Variants in CYP19A1 observed in about 807,000 individuals in gnomAD.
The protein encoded by CYP19A1 is aromatase.
CYP19A1 carries 32 observed loss-of-function variants against 44.4 expected under a neutral mutation model. That is an observed-to-expected ratio of 0.72 (90% CI 0.54 to 0.97). CYP19A1 has a LOEUF of 0.97. Ranked by LOEUF, CYP19A1 falls within the 50% of genes least tolerant of loss-of-function variation. The probability of loss-of-function intolerance (pLI) is 0.00; values close to 1 mark genes in which losing one functional copy is unlikely to be tolerated. For missense variants in CYP19A1, 598 were observed against 637.8 expected (o/e 0.94, Z 0.67); for synonymous variants, 212 against 215.6 (o/e 0.98, Z 0.14).
At chr15:51,267,148 C>A (rs1319043951) in intron 1 of CYP19A1, among the ~76,000 whole-genome samples, 3 of 152,108 alleles carry the variant, frequency 2.0e-5, no homozygotes, top group South Asian at 2.1e-4. Context: ...CCAAGCAGGG[C>A]GAATCGAGCC....
chr15:51,288,111 C>T (rs2140983836), intron 1 of CYP19A1, among the ~76,000 whole-genome samples: 1 of 152,306 alleles, frequency 6.6e-6, no homozygotes, highest in East Asian at 1.9e-4. Context: ...TACTCATCTT[C>T]CTATCCCTGG....
chr15:51,255,421 C>T (rs2034476613), intron 1 of CYP19A1: 1 of 152,134 alleles, frequency 6.6e-6, no homozygotes, highest in Non-Finnish European at 1.5e-5. Flanking sequence ...GAGAACGGTC[C>T]CTTGTCTCTA....
rs1269562386 is a variant in CYP19A1 at position 51,302,784 on chromosome 15, TC to T, written c.-39+35710del. 3.3e-5 allele frequency among the ~76,000 whole-genome samples: 5 copies of T among 152,336 alleles called. No homozygotes were observed. The East Asian group carries it at 9.6e-4, about 29-fold the overall frequency. On this transcript the variant is annotated intron_variant, in intron 1 of 9. Coordinates refer to ENST00000396402, the MANE Select transcript of CYP19A1 (RefSeq NM_000103.4). The stretch of plus-strand genomic sequence containing the variant: ...TTGATGTCCAGCCCACGTCTTTCTC[TC>T]TTCTGAAGTCCCACAACCCTTGAAA...
chr15:51,262,266 C>T (rs2034753107), intron 1 of CYP19A1, among the ~76,000 whole-genome samples: 4 of 152,338 alleles, frequency 2.6e-5, no homozygotes, highest in African/African-American at 9.6e-5. Flanking sequence ...AGAAACAATA[C>T]TTATCACTGG....
chr15:51,243,517 A>C (rs2033905709), intron 1 of CYP19A1, among the ~76,000 whole-genome samples: 1 of 152,224 alleles, frequency 6.6e-6, no homozygotes, highest in African/African-American at 2.4e-5. Context: ...TATTGAATTC[A>C]AAGTGACTCA....
intron 4 of CYP19A1, among the ~76,000 whole-genome samples, chr15:51,226,847 C>A (rs1200426578): frequency 6.6e-6 from 1 of 152,146 alleles, no homozygotes; most frequent in Non-Finnish European, 1.5e-5. Flanking sequence ...TCATTACTCC[C>A]TATTTTGCCT....
intron 1 of CYP19A1, among the ~76,000 whole-genome samples, chr15:51,320,544 C>T (rs2036509723): frequency 6.6e-6 from 1 of 152,222 alleles, no homozygotes; most frequent in Non-Finnish European, 1.5e-5. Context: ...CATGTAAAGA[C>T]ACTGGCAATT....
At chr15:51,221,921 T>G (rs2141060488) in intron 5 of CYP19A1, 1 of 201,140 alleles carries the variant, frequency 5.0e-6, no homozygotes, top group African/African-American at 2.3e-5. Context: ...GTTTTCATGT[T>G]TAGTAGCTTT....
chr15:51,307,194 TG>T (rs1266663028), intron 1 of CYP19A1, among the ~76,000 whole-genome samples: 3 of 152,270 alleles, frequency 2.0e-5, no homozygotes, highest in Admixed American at 1.3e-4. Context: ...TTTGGATTGG[TG>T]GCAGGGAGCC....
chr15:51,297,931 G>C (rs2036034330), intron 1 of CYP19A1, among the ~76,000 whole-genome samples: 1 of 151,668 alleles, frequency 6.6e-6, no homozygotes, highest in Non-Finnish European at 1.5e-5. Context: ...GTATTATAAA[G>C]AGGGGCATTA....
At chr15:51,267,252 G>A (rs112363248) in intron 1 of CYP19A1, among the ~76,000 whole-genome samples, 32 of 152,274 alleles carry the variant, frequency 2.1e-4, no homozygotes, top group African/African-American at 7.7e-4. Flanking sequence ...CGAGGCAGGG[G>A]GTGCGGCGAG....
chr15:51,218,743 C>T, intron 5 of CYP19A1, 88 bp from the exon 6 acceptor site: 1 of 1,536,822 alleles, frequency 6.5e-7, no homozygotes, highest in Non-Finnish European at 8.7e-7. Flanking sequence ...GAAAACATTC[C>T]CTGCAGATTC....
At chr15:51,229,898 G>A (rs868675409) in intron 3 of CYP19A1, among the ~76,000 whole-genome samples, 7 of 152,284 alleles carry the variant, frequency 4.6e-5, no homozygotes, top group Middle Eastern at 3.4e-3. Flanking sequence ...TTAAGAACTT[G>A]CTAATCAGTT....
intron 1 of CYP19A1, among the ~76,000 whole-genome samples, chr15:51,300,414 C>A (rs764831095): frequency 2.3e-4 from 35 of 152,324 alleles, no homozygotes; most frequent in African/African-American, 8.4e-4. Flanking sequence ...CACTTTGGTG[C>A]ATTTCAACTG....
At chr15:51,302,156 A>G (rs1017251699) in intron 1 of CYP19A1, among the ~76,000 whole-genome samples, 2 of 152,164 alleles carry the variant, frequency 1.3e-5, no homozygotes, top group Admixed American at 6.5e-5. Context: ...TCTACCTGCC[A>G]TCATACTCTT....
chr15:51,309,525 C>T (rs914239166), intron 1 of CYP19A1, among the ~76,000 whole-genome samples: 9 of 152,184 alleles, frequency 5.9e-5, no homozygotes, highest in Non-Finnish European at 1.2e-4. Flanking sequence ...CTTCACTTCC[C>T]TTTTGAGTTC....
At chr15:51,311,709 C>A (rs1260090245) in intron 1 of CYP19A1, among the ~76,000 whole-genome samples, 1 of 152,212 alleles carries the variant, frequency 6.6e-6, no homozygotes, top group Non-Finnish European at 1.5e-5. Flanking sequence ...CCCTCCTCCT[C>A]ACTTATCTGG....
chr15:51,227,792 G>T lies in CYP19A1; in HGVS notation c.438C>A (p.Pro146=). Residue 146 remains proline (P), a synonymous_variant, in exon 4 of 10, where the codon CCC becomes CCA. Transcript: ENST00000396402. ...GTACCTGCTTACCTTTCATAAAGAA[G>T]GGTCGAGTTGTTTTCCAGAGCTCTG... ...NNPELWKTTR[P]FFMKALSGPG... 2 of 1,515,554 alleles carry T rather than the reference G, an allele frequency of 1.3e-6. No homozygotes were observed. The highest frequency in any genetic ancestry group is 9.2e-7 in the Non-Finnish European group (1 of 1,090,272). The allele number at this position is 1,515,554 out of a possible 1,614,324, so 93.9% of individuals were successfully genotyped here.
At chr15:51,219,198 A>G (rs1016129135) in intron 5 of CYP19A1, among the ~76,000 whole-genome samples, 1 of 152,222 alleles carries the variant, frequency 6.6e-6, no homozygotes, top group Non-Finnish European at 1.5e-5. Context: ...CATAACACTC[A>G]TCACATAGCT....
Sources: allele counts gnomAD v4.1 joint callset (sites outside exome capture counted in the v4.1 genomes callset), GRCh38; gene constraint gnomAD v4.1.1; transcripts MANE v1.5; gene names NCBI Gene and HGNC (gene_info 2026-07-23, HGNC 2026-07-21).